The following SESN1 variants were observed in gnomAD, a reference collection of about 807,000 sequenced individuals.
SESN1 encodes sestrin-1.
A neutral mutation model predicts 59.3 loss-of-function variants in SESN1; 30 were observed. The observed-to-expected ratio is 0.51, with a 90% CI of 0.38 to 0.69. The LOEUF is 0.69. Among genes scored for constraint, SESN1 ranks in the 30% least tolerant of loss-of-function variants. The pLI, the probability that SESN1 is intolerant of heterozygous loss-of-function variation, is 0.00. For missense variants in SESN1, 566 were observed against 673.0 expected, an observed-to-expected ratio of 0.84 and a Z score of 1.76; for synonymous variants, 197 against 219.9, an observed-to-expected ratio of 0.90 and a Z score of 0.92.
In SESN1 at chr6:108,985,419, T is replaced by C. The variant is rs1188098008; in HGVS notation, c.*2125A>G. On this transcript the variant is annotated 3_prime_UTR_variant, in exon 10 of 10. Transcript: ENST00000436639. ...GTGTAATGTACCTTCCCTAATTATT[T>C]TGGAAACTACTGGTTTCAAAGATTA... Among the ~76,000 whole-genome samples, 2 of 152,178 alleles carry C rather than the reference T, an allele frequency of 1.3e-5. No homozygotes were observed. The highest frequency in any genetic ancestry group is 2.9e-5 in the Non-Finnish European group (2 of 68,034).
At chr6:109,015,439 T>C (rs556750766) in intron 1 of SESN1, among the ~76,000 whole-genome samples, 1 of 152,330 alleles carries the variant, frequency 6.6e-6, no homozygotes, top group Non-Finnish European at 1.5e-5. Flanking sequence ...CAAGATACCA[T>C]TGTTTGACAA....
intron 1 of SESN1, among the ~76,000 whole-genome samples, chr6:109,054,855 T>A (rs1437823528): frequency 1.3e-5 from 2 of 152,268 alleles, no homozygotes; most frequent in Non-Finnish European, 2.9e-5. Flanking sequence ...TTAATTTTTA[T>A]GCAATCAAAA....
intron 1 of SESN1, among the ~76,000 whole-genome samples, chr6:109,036,906 T>C (rs1430355154): frequency 2.0e-5 from 3 of 152,224 alleles, no homozygotes; most frequent in Non-Finnish European, 4.4e-5. Flanking sequence ...CAAATAGGCA[T>C]ACTGCCCCAT....
intron 7 of SESN1, among the ~76,000 whole-genome samples, chr6:108,992,403 C>T (rs1562452956): frequency 6.6e-6 from 1 of 152,118 alleles, no homozygotes; most frequent in African/African-American, 2.4e-5. Flanking sequence ...AGGCGGGAGC[C>T]ATTGTGCCAG....
chr6:109,044,311 C>CAAAAAA (rs71015570), intron 1 of SESN1, among the ~76,000 whole-genome samples: 10 of 28,458 alleles, frequency 3.5e-4, no homozygotes, highest in South Asian at 1.1e-3. Context: ...GAACTTGCCT[C>CAAAAAA]AAAAAAAAAA....
At chr6:109,000,953 A>G (rs925048748) in intron 3 of SESN1, among the ~76,000 whole-genome samples, 5 of 152,170 alleles carry the variant, frequency 3.3e-5, no homozygotes, top group African/African-American at 1.2e-4. Context: ...AGAAACTTCA[A>G]TTAAGGTGCC....
At chr6:109,030,070 C>T (rs1562463886) in intron 1 of SESN1, among the ~76,000 whole-genome samples, 1 of 152,128 alleles carries the variant, frequency 6.6e-6, no homozygotes, top group Non-Finnish European at 1.5e-5. Context: ...AGCCTTTTAA[C>T]TTGGCCATAG....
At chr6:109,028,715 G>T (rs1201345265) in intron 1 of SESN1, among the ~76,000 whole-genome samples, 2 of 152,148 alleles carry the variant, frequency 1.3e-5, no homozygotes, top group South Asian at 2.1e-4. Flanking sequence ...GAAGCAAAGA[G>T]AATCTACTAC....
chr6:108,990,933 G>A (rs1779364236), intron 7 of SESN1, 98 bp from the exon 8 acceptor site: 1 of 1,075,010 alleles, frequency 9.3e-7, no homozygotes, highest in Non-Finnish European at 1.3e-6. Context: ...TCATTTGGCT[G>A]ACAATCCAAC....
chr6:108,994,952 C>T (rs554057047), intron 5 of SESN1, among the ~76,000 whole-genome samples: 11 of 152,220 alleles, frequency 7.2e-5, no homozygotes, highest in African/African-American at 2.6e-4. Context: ...GATCTGTCCA[C>T]CTCGGCCTTC....
chr6:109,062,395 T>C (rs1467894810), intron 1 of SESN1, among the ~76,000 whole-genome samples: 2 of 152,314 alleles, frequency 1.3e-5, no homozygotes, highest in South Asian at 2.1e-4. Flanking sequence ...CATTGCAAGA[T>C]GAGGCTGCCA....
chr6:109,035,197 C>G (rs1780232296), intron 1 of SESN1, among the ~76,000 whole-genome samples: 1 of 152,044 alleles, frequency 6.6e-6, no homozygotes, highest in African/African-American at 2.4e-5. Flanking sequence ...CCTAGAAGTT[C>G]AACTCCAAAA....
chr6:109,037,329 G>T (rs1004374331), intron 1 of SESN1, among the ~76,000 whole-genome samples: 25 of 152,124 alleles, frequency 1.6e-4, no homozygotes, highest in African/African-American at 5.3e-4. Context: ...GCACAGAAAA[G>T]AAGTATGTTT....
chr6:109,031,206 G>A (rs989549124), intron 1 of SESN1, among the ~76,000 whole-genome samples: 2 of 152,180 alleles, frequency 1.3e-5, no homozygotes, highest in African/African-American at 4.8e-5. Context: ...GAGTGAGTTA[G>A]TAGTGGGAAA....
intron 1 of SESN1, among the ~76,000 whole-genome samples, chr6:109,082,431 G>A (rs1439589047): frequency 6.6e-6 from 1 of 152,186 alleles, no homozygotes; most frequent in African/African-American, 2.4e-5. Context: ...AACTTGCCCA[G>A]TCACACAGTT....
intron 1 of SESN1, among the ~76,000 whole-genome samples, chr6:109,069,522 G>C (rs1780894467): frequency 1.3e-5 from 2 of 152,016 alleles, no homozygotes. Context: ...TCATGGGCCA[G>C]AAAACTTAAT....
chr6:109,068,436 T>C (rs755893057), intron 1 of SESN1, among the ~76,000 whole-genome samples: 31 of 151,978 alleles, frequency 2.0e-4, no homozygotes, highest in African/African-American at 5.8e-4. Flanking sequence ...AACTGAATAA[T>C]AGAACTGGGC....
chr6:109,057,579 A>G (rs2114450701), intron 1 of SESN1, among the ~76,000 whole-genome samples: 1 of 152,340 alleles, frequency 6.6e-6, no homozygotes, highest in East Asian at 1.9e-4. Flanking sequence ...TCAAGGATCT[A>G]CCTCTGCTCA....
chr6:109,066,003 G>C (rs1465035385), intron 1 of SESN1, among the ~76,000 whole-genome samples: 1 of 151,994 alleles, frequency 6.6e-6, no homozygotes, highest in Non-Finnish European at 1.5e-5. Flanking sequence ...AAGTTTAAGA[G>C]GGATAAAAGA....
Sources: allele counts gnomAD v4.1 joint callset (sites outside exome capture counted in the v4.1 genomes callset), GRCh38; gene constraint gnomAD v4.1.1; transcripts MANE v1.5; gene names NCBI Gene and HGNC (gene_info 2026-07-23, HGNC 2026-07-21).